MACROD2: variants seen among roughly 807,000 people sequenced by gnomAD.
The protein encoded by MACROD2 is ADP-ribose glycohydrolase MACROD2.
Under a neutral mutation model 70.4 loss-of-function variants are expected in MACROD2, and 36 were observed. The ratio of observed to expected loss-of-function variants is 0.51; its 90% CI spans 0.39 to 0.68. The LOEUF (loss-of-function observed/expected upper bound fraction) is 0.68. Among genes scored for constraint, MACROD2 ranks in the 30% least tolerant of loss-of-function variants. The pLI is 0.00. For missense variants in MACROD2, 496 were observed against 538.4 expected (o/e 0.92, Z 0.78); for synonymous variants, 172 against 178.8 (o/e 0.96, Z 0.30).
At chr20:14,578,196 T>TAA (rs1980743368) in intron 4 of MACROD2, among the ~76,000 whole-genome samples, 2 of 151,224 alleles carry the variant, frequency 1.3e-5, no homozygotes, top group Admixed American at 1.3e-4. Flanking sequence ...CAATGGCAGG[T>TAA]TTTCTTTTCA....
At chr20:15,259,182 T>TAACAACAACAACAAC (rs145254296) in intron 6 of MACROD2, among the ~76,000 whole-genome samples, 2 of 151,280 alleles carry the variant, frequency 1.3e-5, no homozygotes, top group Admixed American at 1.3e-4. Context: ...GGTAATTTTT[T>TAACAACAACAACAAC]AACAACAACA....
At chr20:14,418,780 G>A (rs1038057152) in intron 3 of MACROD2, among the ~76,000 whole-genome samples, 2 of 152,168 alleles carry the variant, frequency 1.3e-5, no homozygotes, top group Non-Finnish European at 2.9e-5. Context: ...TAGAATCTCT[G>A]TTATAATAAA....
At chr20:14,983,724 A>G (rs1387489573) in intron 5 of MACROD2, among the ~76,000 whole-genome samples, 1 of 152,112 alleles carries the variant, frequency 6.6e-6, no homozygotes, top group Non-Finnish European at 1.5e-5. Context: ...AGTCTCGGGT[A>G]TGTCTTTATC....
chr20:14,503,653 G>T (rs576775509), intron 4 of MACROD2, among the ~76,000 whole-genome samples: 1 of 152,288 alleles, frequency 6.6e-6, no homozygotes, highest in South Asian at 2.1e-4. Flanking sequence ...CTGCCACATG[G>T]TTATTTCTGA....
At chr20:14,786,751 A>T (rs544571485) in intron 5 of MACROD2, among the ~76,000 whole-genome samples, 1 of 152,044 alleles carries the variant, frequency 6.6e-6, no homozygotes, top group Non-Finnish European at 1.5e-5. Flanking sequence ...ATGATCACCT[A>T]TCTCTTCAGA....
At chr20:15,268,145 A>G (rs1210706517) in intron 6 of MACROD2, among the ~76,000 whole-genome samples, 1 of 152,150 alleles carries the variant, frequency 6.6e-6, no homozygotes, top group African/African-American at 2.4e-5. Flanking sequence ...GAAGAAGCTG[A>G]GGTTTGACAA....
At chr20:15,236,219 C>G (rs41414046) in intron 6 of MACROD2, among the ~76,000 whole-genome samples, 3 of 152,114 alleles carry the variant, frequency 2.0e-5, no homozygotes, top group Admixed American at 2.0e-4. Flanking sequence ...ATTCACGTTT[C>G]GTAAGATCTC....
At chr20:14,903,121 A>G (rs2122557967) in intron 5 of MACROD2, among the ~76,000 whole-genome samples, 1 of 138,218 alleles carries the variant, frequency 7.2e-6, no homozygotes, top group East Asian at 2.1e-4. Flanking sequence ...GGCTCACTGC[A>G]ACCTGTGTCT....
chr20:15,288,687 A>C (rs1217364727), intron 6 of MACROD2, among the ~76,000 whole-genome samples: 2 of 152,040 alleles, frequency 1.3e-5, no homozygotes, highest in African/African-American at 4.8e-5. Context: ...CGGACTCTGG[A>C]ACTTGCACCA....
At chr20:15,385,754 T>G (rs1468040585) in intron 6 of MACROD2, among the ~76,000 whole-genome samples, 1 of 152,218 alleles carries the variant, frequency 6.6e-6, no homozygotes. Context: ...TAAATTTGTG[T>G]CTTGCACTAA....
chr20:15,212,151 C>T (rs941452499), intron 5 of MACROD2, among the ~76,000 whole-genome samples: 11 of 152,114 alleles, frequency 7.2e-5, no homozygotes, highest in African/African-American at 2.2e-4. Flanking sequence ...ATTTGTGTAT[C>T]TTCTTTACAA....
Position 14,862,476 on chromosome 20 carries a change from A to T in MACROD2, c.418+177517A>T, listed in dbSNP as rs1192570663. On this transcript the variant is annotated intron_variant, in intron 5 of 17. Transcript: ENST00000684519. Reference sequence around the variant, plus strand: ...AAATATATATAAATATATATATATAAATATATATAAATATATATATAAATA... The same window carrying T: ...AAATATATATAAATATATATATATATATATATATAAATATATATATAAATA... 3.2e-3 allele frequency among the ~76,000 whole-genome samples: 20 copies of T among 6,176 alleles called. 1 individual carries two copies. The highest frequency in any genetic ancestry group is 8.6e-3 in the African/African-American group (14 of 1,630). 4.1% of individuals were successfully genotyped at this position (6,176 alleles called of 152,430 possible).
At chr20:14,862,631 AT>A (rs2073376380) in intron 5 of MACROD2, among the ~76,000 whole-genome samples, 1 of 9,696 alleles carries the variant, frequency 1.0e-4, no homozygotes, top group Non-Finnish European at 2.2e-4. Flanking sequence ...ATATATATAA[AT>A]ATATATATAA....
chr20:15,536,997 T>G (rs371455543), intron 8 of MACROD2, among the ~76,000 whole-genome samples: 1 of 152,092 alleles, frequency 6.6e-6, no homozygotes, highest in East Asian at 1.9e-4. Flanking sequence ...TACCCTCCTC[T>G]GAGATGCTCA....
chr20:15,787,025 T>A (rs2051941159), intron 8 of MACROD2, among the ~76,000 whole-genome samples: 1 of 152,202 alleles, frequency 6.6e-6, no homozygotes, highest in Non-Finnish European at 1.5e-5. Context: ...CAGGCTGGAA[T>A]GCAGTGGTGT....
chr20:15,048,117 T>TAAATAAATA (rs368002923), intron 5 of MACROD2, among the ~76,000 whole-genome samples: 4 of 150,304 alleles, frequency 2.7e-5, no homozygotes, highest in Non-Finnish European at 5.9e-5. Flanking sequence ...AATAAATAAA[T>TAAATAAATA]AATAAAAAAT....
chr20:15,938,628 C>T (rs1220142292), intron 12 of MACROD2, among the ~76,000 whole-genome samples: 1 of 152,086 alleles, frequency 6.6e-6, no homozygotes, highest in African/African-American at 2.4e-5. Flanking sequence ...CCCTAAAACA[C>T]AACAATATTG....
chr20:15,654,158 T>C (rs529776600), intron 8 of MACROD2, among the ~76,000 whole-genome samples: 2 of 152,252 alleles, frequency 1.3e-5, no homozygotes, highest in African/African-American at 4.8e-5. Flanking sequence ...TCAATAGGGT[T>C]ATAAAAGCAC....
chr20:14,509,323 C>G (rs960759138), intron 4 of MACROD2, among the ~76,000 whole-genome samples: 3 of 151,928 alleles, frequency 2.0e-5, no homozygotes, highest in Non-Finnish European at 4.4e-5. Flanking sequence ...TGCATCCAAA[C>G]TATTTAGCAG....
Sources: allele counts gnomAD v4.1 joint callset (sites outside exome capture counted in the v4.1 genomes callset), GRCh38; gene constraint gnomAD v4.1.1; transcripts MANE v1.5; gene names NCBI Gene and HGNC (gene_info 2026-07-23, HGNC 2026-07-21).